The following KLHL6 variants were observed in gnomAD, a reference collection of about 807,000 sequenced individuals.
KLHL6 encodes the protein kelch-like protein 6.
Under a neutral mutation model 58.6 loss-of-function variants are expected in KLHL6, and 41 were observed. The observed-to-expected ratio is 0.70, with a 90% CI of 0.55 to 0.91. The LOEUF is 0.91. Among genes scored for constraint, KLHL6 ranks in the 40% least tolerant of loss-of-function variants. KLHL6 has a pLI of 0.00. For missense variants in KLHL6, 714 were observed against 805.6 expected (o/e 0.89, Z 1.38); for synonymous variants, 338 against 322.7 (o/e 1.05, Z -0.51).
At chr3:183,547,608 C>A (rs1486627775) in intron 1 of KLHL6, among the ~76,000 whole-genome samples, 1 of 152,184 alleles carries the variant, frequency 6.6e-6, no homozygotes, top group East Asian at 1.9e-4. Flanking sequence ...CATTCTCTCA[C>A]TGTGGACATT....
At chr3:183,504,809 C>G (rs1467751348) in intron 3 of KLHL6, among the ~76,000 whole-genome samples, 5 of 152,154 alleles carry the variant, frequency 3.3e-5, no homozygotes, top group Admixed American at 6.5e-5. Flanking sequence ...TGAAATCATA[C>G]ATAAGCATAG....
At chr3:183,516,886 A>G (rs1292446973) in intron 2 of KLHL6, among the ~76,000 whole-genome samples, 1 of 152,204 alleles carries the variant, frequency 6.6e-6, no homozygotes, top group Non-Finnish European at 1.5e-5. Context: ...AATTTATTTC[A>G]AAGTATTTCT....
Position 183,488,912 on chromosome 3 carries a change from T to C in KLHL6, c.*3015A>G, listed in dbSNP as rs1222820117. The C allele has an allele frequency of 6.6e-6, 1 of 152,220 alleles. No individual in the cohort carries two copies. Among genetic ancestry groups the C allele is most frequent in the Admixed American group, 6.5e-5 (1 of 15,288 alleles). The allele number at this position is 152,220 out of a possible 1,614,324, so 9.4% of individuals were successfully genotyped here. A position where few individuals can be genotyped will look rare whatever the true frequency, so the allele number is the denominator to read the frequency against. ...CATGCCATTATTAGGAATCCCTATT[T>C]CTTGAGTGTCAGCTACATGACATTT... On this transcript the variant is annotated 3_prime_UTR_variant, in exon 7 of 7. Coordinates refer to ENST00000341319, the MANE Select transcript of KLHL6 (RefSeq NM_130446.4).
chr3:183,501,957 T>G (rs1487030063), intron 3 of KLHL6, among the ~76,000 whole-genome samples: 1 of 152,100 alleles, frequency 6.6e-6, no homozygotes, highest in African/African-American at 2.4e-5. Flanking sequence ...GCACCAAGAA[T>G]AGTACCTGGA....
intron 1 of KLHL6, among the ~76,000 whole-genome samples, chr3:183,547,762 C>A (rs1407377642): frequency 1.3e-5 from 2 of 152,074 alleles, no homozygotes; most frequent in Non-Finnish European, 2.9e-5. Flanking sequence ...TTCATAATAT[C>A]AAGTAGATAG....
chr3:183,510,860 C>A (rs987390892), intron 2 of KLHL6, among the ~76,000 whole-genome samples: 1 of 91,976 alleles, frequency 1.1e-5, no homozygotes, highest in African/African-American at 3.1e-5. Context: ...GCAACAAGAG[C>A]AAAACTCCAT....
chr3:183,550,542 C>G (rs1712876655), intron 1 of KLHL6, among the ~76,000 whole-genome samples: 1 of 152,138 alleles, frequency 6.6e-6, no homozygotes. Context: ...CAGCTGTAAT[C>G]CCAGCAATTT....
chr3:183,501,992 A>G (rs1358743060), intron 3 of KLHL6, among the ~76,000 whole-genome samples: 1 of 152,140 alleles, frequency 6.6e-6, no homozygotes, highest in Non-Finnish European at 1.5e-5. Context: ...ATAAACATTG[A>G]TTAAATGAGC....
intron 1 of KLHL6, among the ~76,000 whole-genome samples, chr3:183,544,115 A>G (rs150978446): frequency 6.8e-6 from 1 of 148,016 alleles, no homozygotes; most frequent in African/African-American, 2.5e-5. Flanking sequence ...GTGAGCTGAG[A>G]TCAGGCCATC....
In KLHL6 at chr3:183,492,795, G is replaced by T; in HGVS notation, c.1351-88C>A. On this transcript the variant is annotated intron_variant, in intron 5 of 6. Transcript: ENST00000341319. The surrounding 1 kb of genome is among the most constrained non-coding windows in gnomAD (Gnocchi z 5.9). Reference sequence around the variant, plus strand: ...TCCCAGGATACAGGACAGAGCTCCGGGACACAGAACTGGGCATCTTTTGCC... The same window carrying T: ...TCCCAGGATACAGGACAGAGCTCCGTGACACAGAACTGGGCATCTTTTGCC... 8.0e-7 allele frequency: 1 copy of T among 1,254,242 alleles called. No homozygotes were observed. Among genetic ancestry groups the T allele is most frequent in the Non-Finnish European group, 1.1e-6 (1 of 881,362 alleles). The allele number at this position is 1,254,242 out of a possible 1,614,324, so 77.7% of individuals were successfully genotyped here. A position where few individuals can be genotyped will look rare whatever the true frequency, so the allele number is the denominator to read the frequency against.
Position 183,499,482 on chromosome 3 carries a change from A to T in KLHL6, c.1147+108T>A, listed in dbSNP as rs1717808093. The T allele has an allele frequency of 2.8e-6, 2 of 725,622 alleles. No individual in the cohort carries two copies. Among genetic ancestry groups the T allele is most frequent in the Non-Finnish European group, 4.7e-6 (2 of 427,908 alleles). The allele number at this position is 725,622 out of a possible 1,614,324, so 44.9% of individuals were successfully genotyped here. A position where few individuals can be genotyped will look rare whatever the true frequency, so the allele number is the denominator to read the frequency against. Reference sequence around the variant, plus strand: ...CATATCCTGTCTCAGTCAGAGCCGGATCATTGCCAATTCACAGTAATTCTT... The same window carrying T: ...CATATCCTGTCTCAGTCAGAGCCGGTTCATTGCCAATTCACAGTAATTCTT... On this transcript the variant is annotated intron_variant, in intron 4 of 6. Coordinates refer to ENST00000341319, the MANE Select transcript of KLHL6 (RefSeq NM_130446.4). The surrounding 1 kb of genome is among the most constrained non-coding windows in gnomAD (Gnocchi z 4.6).
intron 2 of KLHL6, among the ~76,000 whole-genome samples, chr3:183,517,859 T>C (rs921594733): frequency 6.6e-6 from 1 of 152,192 alleles, no homozygotes; most frequent in African/African-American, 2.4e-5. Context: ...ATCTCGGACA[T>C]GATTGATGCT....
Position 183,496,833 on chromosome 3 carries a change from T to G in KLHL6, c.1148-2552A>C, listed in dbSNP as rs184737374. ...TATCATTAAAAAGTGAACAACAAATTTATGACAAAAGAATAACATGTGGGC... is the reference window on the plus strand; with the variant it reads ...TATCATTAAAAAGTGAACAACAAATGTATGACAAAAGAATAACATGTGGGC... On this transcript the variant is annotated intron_variant, in intron 4 of 6. Coordinates refer to ENST00000341319, the MANE Select transcript of KLHL6 (RefSeq NM_130446.4). Among the ~76,000 whole-genome samples the G allele has an allele frequency of 1.4e-3, 206 of 152,270 alleles. 1 individual carries two copies. The highest frequency in any genetic ancestry group is 2.2e-3 in the Non-Finnish European group (149 of 68,020).
At chr3:183,530,379 C>T (rs1269036931) in intron 1 of KLHL6, among the ~76,000 whole-genome samples, 18 of 152,118 alleles carry the variant, frequency 1.2e-4, no homozygotes, top group Admixed American at 1.2e-3. Flanking sequence ...GAAAGTGATC[C>T]TTGTTATAAA....
chr3:183,496,136 A>T (rs557401645), intron 4 of KLHL6, among the ~76,000 whole-genome samples: 12 of 152,318 alleles, frequency 7.9e-5, no homozygotes, highest in Admixed American at 3.3e-4. Flanking sequence ...AAGGTAAAAA[A>T]CAACCACAGT....
intron 3 of KLHL6, among the ~76,000 whole-genome samples, chr3:183,505,196 C>T (rs1717969865): frequency 6.6e-6 from 1 of 152,208 alleles, no homozygotes; most frequent in African/African-American, 2.4e-5. Flanking sequence ...AGGCTCCCCC[C>T]ATCAATCCAC....
At chr3:183,537,682 C>T (rs1275618721) in intron 1 of KLHL6, among the ~76,000 whole-genome samples, 1 of 152,132 alleles carries the variant, frequency 6.6e-6, no homozygotes, top group Non-Finnish European at 1.5e-5. Flanking sequence ...ATGCCACAAA[C>T]ACTGCCTGGC....
In KLHL6 at chr3:183,525,265, A is replaced by ACACACACACACACAC. The variant is rs1553811014; in HGVS notation, c.459+2579_459+2580insGTGTGTGTGTGTGTG. 3.6e-3 allele frequency among the ~76,000 whole-genome samples: 192 copies of ACACACACACACACAC among 52,628 alleles called. 2 individuals carry two copies. Among genetic ancestry groups the ACACACACACACACAC allele is most frequent in the Middle Eastern group, 0.012 (2 of 168 alleles). The allele number at this position is 52,628 out of a possible 152,430, so 34.5% of individuals were successfully genotyped here. ...GGCAACAGAGTGAGACTCTCTAAAA[A>ACACACACACACACAC]AAAAACACACACACACACACACACA... On this transcript the variant is annotated intron_variant, in intron 2 of 6. Transcript: ENST00000341319.
At chr3:183,511,248 G>A (rs1415878802) in intron 2 of KLHL6, among the ~76,000 whole-genome samples, 4 of 152,244 alleles carry the variant, frequency 2.6e-5, no homozygotes, top group Non-Finnish European at 5.9e-5. Context: ...GGACGTGCAC[G>A]TAGGCCAGAT....
Sources: allele counts gnomAD v4.1 joint callset (sites outside exome capture counted in the v4.1 genomes callset), GRCh38; gene constraint gnomAD v4.1.1; non-coding constraint Gnocchi (gnomAD v3.1); transcripts MANE v1.5; gene names NCBI Gene and HGNC (gene_info 2026-07-23, HGNC 2026-07-21).